Variants in MACROD2 observed in about 807,000 individuals in gnomAD.
The protein encoded by MACROD2 is mono-ADP ribosylhydrolase 2.
In MACROD2, 36 loss-of-function variants were observed where a neutral mutation model predicts 70.4. That is an observed-to-expected ratio of 0.51 (90% confidence interval 0.39 to 0.68). MACROD2 has a LOEUF of 0.68. Among genes scored for constraint, MACROD2 ranks in the 30% least tolerant of loss-of-function variants. The pLI is 0.00. For synonymous variants in MACROD2, 172 were observed against 178.8 expected (o/e 0.96, Z 0.30); for missense variants, 496 against 538.4 (o/e 0.92, Z 0.78).
intron 3 of MACROD2, among the ~76,000 whole-genome samples, chr20:14,395,361 T>C (rs2083570302): frequency 6.6e-6 from 1 of 152,140 alleles, no homozygotes; most frequent in Non-Finnish European, 1.5e-5. Flanking sequence ...GTTCATCTAA[T>C]TTGTCAAATT....
At chr20:13,997,777 G>A (rs1469555183) in intron 1 of MACROD2, among the ~76,000 whole-genome samples, 1 of 152,050 alleles carries the variant, frequency 6.6e-6, no homozygotes, top group East Asian at 1.9e-4. Context: ...AAACGTTACT[G>A]CGATACGAAG....
At chr20:14,617,606 G>T (rs1983557194) in intron 4 of MACROD2, among the ~76,000 whole-genome samples, 1 of 152,062 alleles carries the variant, frequency 6.6e-6, no homozygotes, top group Non-Finnish European at 1.5e-5. Context: ...CTTCACAGAT[G>T]ATTATTCATC....
intron 7 of MACROD2, among the ~76,000 whole-genome samples, chr20:15,441,558 T>C (rs1391711675): frequency 1.3e-5 from 2 of 152,130 alleles, no homozygotes; most frequent in Non-Finnish European, 2.9e-5. Flanking sequence ...CACTATGCAA[T>C]ATATGCATGG....
chr20:15,137,271 G>T (rs1199998913), intron 5 of MACROD2, among the ~76,000 whole-genome samples: 1 of 151,892 alleles, frequency 6.6e-6, no homozygotes, highest in Non-Finnish European at 1.5e-5. Flanking sequence ...TATGTTTATT[G>T]CGGCACTATT....
intron 12 of MACROD2, among the ~76,000 whole-genome samples, chr20:15,966,778 T>A (rs1458178127): frequency 3.3e-5 from 5 of 152,092 alleles, no homozygotes. Context: ...TTATTAAATG[T>A]TTGGAAAATG....
At chr20:15,571,416 T>C (rs2055332096) in intron 8 of MACROD2, among the ~76,000 whole-genome samples, 2 of 96,484 alleles carry the variant, frequency 2.1e-5, no homozygotes, top group African/African-American at 5.3e-5. Flanking sequence ...GTTTGCAGTT[T>C]CCCTGTTTTT....
At position 14,298,568 on chromosome 20, in the gene MACROD2, CA is replaced by C. The variant is rs550543982; in HGVS notation, c.272-194896del. Among the ~76,000 whole-genome samples the C allele has an allele frequency of 7.7e-4, 27 of 35,070 alleles. 1 individual carries two copies. The highest frequency in any genetic ancestry group is 8.7e-4 in the African/African-American group (9 of 10,344). 23.0% of individuals were successfully genotyped at this position (35,070 alleles called of 152,430 possible). A position where few individuals can be genotyped will look rare whatever the true frequency, so the allele number is the denominator to read the frequency against. ...GGGTGACAAGAGCAAAACTCCACCT[CA>C]AAAAAAAAAAAAAAGAAGTGAATTT... is the stretch of plus-strand genomic sequence containing the variant. On this transcript the variant is annotated intron_variant, in intron 3 of 17. Coordinates refer to ENST00000684519, the MANE Select transcript of MACROD2 (RefSeq NM_001351661.2).
chr20:14,963,899 G>C (rs34987092), intron 5 of MACROD2, among the ~76,000 whole-genome samples: 21,660 of 152,182 alleles, frequency 0.14, 1,923 homozygotes, highest in Non-Finnish European at 0.2. Context: ...TTCTAAAGTA[G>C]AGAGGGAAAT....
chr20:14,995,031 A>G (rs1463448964), intron 5 of MACROD2, among the ~76,000 whole-genome samples: 1 of 152,150 alleles, frequency 6.6e-6, no homozygotes, highest in Non-Finnish European at 1.5e-5. Flanking sequence ...GAGAATTTTA[A>G]TTATGAACCA....
chr20:14,443,098 T>C (rs1250435846), intron 3 of MACROD2, among the ~76,000 whole-genome samples: 2 of 147,340 alleles, frequency 1.4e-5, no homozygotes, highest in Admixed American at 6.8e-5. Flanking sequence ...AAAAAAGAAA[T>C]GAGAACTACA....
intron 8 of MACROD2, among the ~76,000 whole-genome samples, chr20:15,577,709 GTACTCA>G (rs1407146076): frequency 5.9e-5 from 9 of 152,168 alleles, no homozygotes; most frequent in African/African-American, 1.9e-4. Context: ...ATAAACACAT[GTACTCA>G]TATTCATAAA....
intron 2 of MACROD2, among the ~76,000 whole-genome samples, chr20:14,057,406 A>C (rs1284791556): frequency 6.6e-6 from 1 of 152,184 alleles, no homozygotes; most frequent in Non-Finnish European, 1.5e-5. Context: ...GTAAACTCCT[A>C]CATCAGTATA....
At chr20:15,245,244 T>C (rs1173499343) in intron 6 of MACROD2, among the ~76,000 whole-genome samples, 1 of 152,214 alleles carries the variant, frequency 6.6e-6, no homozygotes, top group Non-Finnish European at 1.5e-5. Flanking sequence ...GTTGATTTCT[T>C]TCAAATTACA....
At chr20:14,826,645 C>G (rs1412448144) in intron 5 of MACROD2, among the ~76,000 whole-genome samples, 1 of 151,998 alleles carries the variant, frequency 6.6e-6, no homozygotes, top group Non-Finnish European at 1.5e-5. Context: ...ACAAAACATT[C>G]AACTGCTTCT....
At chr20:15,098,649 A>C (rs913024746) in intron 5 of MACROD2, among the ~76,000 whole-genome samples, 1 of 152,204 alleles carries the variant, frequency 6.6e-6, no homozygotes, top group Non-Finnish European at 1.5e-5. Flanking sequence ...TGCTATCCTA[A>C]GATTATACTT....
intron 15 of MACROD2, among the ~76,000 whole-genome samples, chr20:16,008,489 C>T (rs1440583469): frequency 6.6e-6 from 1 of 152,196 alleles, no homozygotes; most frequent in South Asian, 2.1e-4. Context: ...AAGAAGTATC[C>T]TGGCAGTGAG....
At chr20:14,475,474 C>G (rs111338417) in intron 3 of MACROD2, among the ~76,000 whole-genome samples, 2 of 151,880 alleles carry the variant, frequency 1.3e-5, no homozygotes, top group African/African-American at 4.8e-5. Context: ...AGTTTTATAC[C>G]TTCAGATAGT....
intron 3 of MACROD2, among the ~76,000 whole-genome samples, chr20:14,427,620 C>T (rs1197526869): frequency 1.3e-5 from 2 of 151,948 alleles, no homozygotes; most frequent in Non-Finnish European, 2.9e-5. Flanking sequence ...ACAACCATGA[C>T]ACATGCCAAA....
rs374714307 is a variant in MACROD2, at chr20:15,688,366, A to G, written c.646-174379A>G. On this transcript the variant is annotated intron_variant, in intron 8 of 17. Coordinates refer to ENST00000684519, the MANE Select transcript of MACROD2 (RefSeq NM_001351661.2). ...TCTCCCTGGGATAGAGGAACCAGGG[A>G]AGAATCAATGCATAGAAGCGTCAGT... Among the ~76,000 whole-genome samples the G allele has an allele frequency of 4.5e-4, 68 of 152,330 alleles. No homozygotes were observed. In the South Asian group the frequency reaches 0.014, roughly 31 times the overall value.
Sources: allele counts gnomAD v4.1 joint callset (sites outside exome capture counted in the v4.1 genomes callset), GRCh38; gene constraint gnomAD v4.1.1; transcripts MANE v1.5; gene names NCBI Gene and HGNC (gene_info 2026-07-23, HGNC 2026-07-21).